The following DCTN5 variants were observed in gnomAD, a reference collection of about 807,000 sequenced individuals.
DCTN5 encodes the protein dynactin 4.
In DCTN5, 14 loss-of-function variants were observed where a neutral mutation model predicts 23.5. The ratio of observed to expected loss-of-function variants is 0.60; its 90% CI spans 0.39 to 0.93. The LOEUF (loss-of-function observed/expected upper bound fraction) is 0.93, where lower values mean the gene tolerates loss of function less well. Ranked by LOEUF, DCTN5 falls within the 40% of genes least tolerant of loss-of-function variation. The pLI is 0.00. For missense variants in DCTN5, 156 were observed against 225.9 expected, an observed-to-expected ratio of 0.69 and a Z score of 1.98; for synonymous variants, 67 against 79.6, an observed-to-expected ratio of 0.84 and a Z score of 0.84.
rs1567236679 is a variant in DCTN5 at position 23,673,279 on chromosome 16, ATTTG to A, written c.*6139_*6142del. The A allele has an allele frequency of 6.6e-6, 1 of 152,042 alleles. No homozygotes were observed. Among genetic ancestry groups the A allele is most frequent in the Non-Finnish European group, 1.5e-5 (1 of 68,000 alleles). The allele number at this position is 152,042 out of a possible 1,614,324, so 9.4% of individuals were successfully genotyped here. A position where few individuals can be genotyped will look rare whatever the true frequency, so the allele number is the denominator to read the frequency against. ...ATTTTTTAAAAAAAAACTTGCTTGT[ATTTG>A]TTTATTTTTTAAATAGAGACAGGGT... On this transcript the variant is annotated 3_prime_UTR_variant, in exon 6 of 6. Coordinates refer to ENST00000300087, the MANE Select transcript of DCTN5 (RefSeq NM_032486.4).
At chr16:23,659,707 C>T (rs1967776526) in intron 3 of DCTN5, among the ~76,000 whole-genome samples, 1 of 152,178 alleles carries the variant, frequency 6.6e-6, no homozygotes, top group African/African-American at 2.4e-5. Context: ...TCCCACATTT[C>T]CAATAATGAT....
intron 2 of DCTN5, among the ~76,000 whole-genome samples, chr16:23,656,102 C>G (rs1597119796): frequency 6.6e-6 from 1 of 152,250 alleles, no homozygotes; most frequent in South Asian, 2.1e-4. Context: ...GTGGCATGCA[C>G]CTGTAGTCCC....
At chr16:23,662,821 A>G (rs16940361) in intron 4 of DCTN5, among the ~76,000 whole-genome samples, 14,882 of 152,290 alleles carry the variant, frequency 0.098, 1,112 homozygotes, top group African/African-American at 0.2. Flanking sequence ...TAGCCTAGTC[A>G]TATAACCCTG....
chr16:23,661,417 G>C (rs1377379821), intron 4 of DCTN5, 136 bp downstream of exon 4: 7 of 603,294 alleles, frequency 1.2e-5, no homozygotes, highest in Non-Finnish European at 2.0e-5. Flanking sequence ...GATTTTTCTT[G>C]ACAGATATGG....
At chr16:23,651,017 G>A in intron 2 of DCTN5, 2 of 1,405,564 alleles carry the variant, frequency 1.4e-6, no homozygotes, top group South Asian at 1.7e-5. Flanking sequence ...TAAAATGCAA[G>A]ATGTTCCACT....
Position 23,665,260 on chromosome 16 carries a change from G to A in DCTN5, c.349-366G>A, listed in dbSNP as rs116261909. 4.4e-3 allele frequency among the ~76,000 whole-genome samples: 677 copies of A among 152,262 alleles called. 4 individuals carry two copies. Among genetic ancestry groups the A allele is most frequent in the African/African-American group, 0.015 (621 of 41,530 alleles). On this transcript the variant is annotated intron_variant, in intron 4 of 5. Coordinates refer to ENST00000300087, the MANE Select transcript of DCTN5 (RefSeq NM_032486.4). Reference sequence around the variant, plus strand: ...ATGAGATGGGGATGGGAGGGTTACCGAGGAAAATACAGGTTCTGTTACCAG... The same window carrying A: ...ATGAGATGGGGATGGGAGGGTTACCAAGGAAAATACAGGTTCTGTTACCAG...
In DCTN5 at chr16:23,674,680, G is replaced by A. The variant is rs1968062744; in HGVS notation, c.*7536G>A. On this transcript the variant is annotated 3_prime_UTR_variant, in exon 6 of 6. Transcript: ENST00000300087. Reference sequence around the variant, plus strand: ...GCTCATTGAATAATCAGGACAAAAGGGGTAGAAGATTATGTAAACACATTT... The same window carrying A: ...GCTCATTGAATAATCAGGACAAAAGAGGTAGAAGATTATGTAAACACATTT... 1.3e-5 allele frequency: 2 copies of A among 152,182 alleles called. No individual in the cohort carries two copies. The highest frequency in any genetic ancestry group is 1.3e-4 in the Admixed American group (2 of 15,282). The allele number at this position is 152,182 out of a possible 1,614,324, so 9.4% of individuals were successfully genotyped here. A position where few individuals can be genotyped will look rare whatever the true frequency, so the allele number is the denominator to read the frequency against.
chr16:23,647,668 T>C (rs1310084989), intron 2 of DCTN5, among the ~76,000 whole-genome samples: 1 of 151,780 alleles, frequency 6.6e-6, no homozygotes, highest in African/African-American at 2.4e-5. Flanking sequence ...CCTCCATGCC[T>C]GGCTAATTTT....
intron 2 of DCTN5, among the ~76,000 whole-genome samples, chr16:23,650,421 G>C (rs1165422813): frequency 6.6e-6 from 1 of 151,376 alleles, no homozygotes. Flanking sequence ...AGGTTCAAGC[G>C]ATTCTCCTGC....
At chr16:23,644,296 T>TTTC in intron 2 of DCTN5, among the ~76,000 whole-genome samples, 1 of 82,410 alleles carries the variant, frequency 1.2e-5, no homozygotes, top group African/African-American at 4.4e-5. Context: ...CCCACCTAAT[T>TTTC]TTTTTTTTTT....
intron 2 of DCTN5, among the ~76,000 whole-genome samples, chr16:23,653,412 TC>T (rs778749093): frequency 6.6e-6 from 1 of 152,136 alleles, no homozygotes; most frequent in Non-Finnish European, 1.5e-5. Context: ...CCTACAACTA[TC>T]TCATCTTCAT....
intron 4 of DCTN5, among the ~76,000 whole-genome samples, chr16:23,662,563 G>A (rs914762198): frequency 1.3e-5 from 2 of 152,166 alleles, no homozygotes; most frequent in South Asian, 2.1e-4. Context: ...GACCATTCCC[G>A]TTAATATGGA....
intron 1 of DCTN5, 108 bp downstream of exon 1, chr16:23,641,698 C>A: frequency 8.4e-7 from 1 of 1,189,674 alleles, no homozygotes; most frequent in Non-Finnish European, 1.2e-6. Flanking sequence ...TCCCTTTGGC[C>A]ATTAGTCCCG....
intron 5 of DCTN5, chr16:23,666,046 G>A (rs1967900240): frequency 3.8e-6 from 1 of 260,250 alleles, no homozygotes; most frequent in African/African-American, 2.2e-5. Flanking sequence ...CTCATGTCGG[G>A]ATGGAAATAA....
chr16:23,667,536 C>T lies in DCTN5; in HGVS notation c.*392C>T, dbSNP rs375434082. ...GGCTATGTAGCTGGTGCGCTGCTCA[C>T]GGCCATTCACTGCCCATGCTGAGCG... On this transcript the variant is annotated 3_prime_UTR_variant, in exon 6 of 6. Transcript: ENST00000300087. 1.6e-5 allele frequency: 3 copies of T among 185,300 alleles called. No homozygotes were observed. The East Asian group carries it at 4.0e-4, about 25-fold the overall frequency. 11.5% of individuals were successfully genotyped at this position (185,300 alleles called of 1,614,324 possible). A position where few individuals can be genotyped will look rare whatever the true frequency, so the allele number is the denominator to read the frequency against.
At chr16:23,645,083 C>CTATATATATATATATATA (rs869302728) in intron 2 of DCTN5, among the ~76,000 whole-genome samples, 1 of 33,098 alleles carries the variant, frequency 3.0e-5, no homozygotes, top group Non-Finnish European at 5.3e-5. Flanking sequence ...CCCAGCCTAA[C>CTATATATATATATATATA]TATATATATA....
chr16:23,650,271 T>G (rs1215295506), intron 2 of DCTN5, among the ~76,000 whole-genome samples: 1 of 152,178 alleles, frequency 6.6e-6, no homozygotes, highest in Admixed American at 6.6e-5. Flanking sequence ...GTCTGTAGAC[T>G]GCTTTGGGAG....
Position 23,667,170 on chromosome 16 carries a change from G to T in DCTN5, c.*26G>T. ...CATCTCTGCCTCATGTCTTGAATCT[G>T]CTTGAGCTCTAAGATGAACCTGGGG... On this transcript the variant is annotated 3_prime_UTR_variant, in exon 6 of 6. Coordinates refer to ENST00000300087, the MANE Select transcript of DCTN5 (RefSeq NM_032486.4). 6.2e-7 allele frequency: 1 copy of T among 1,611,198 alleles called. No individual in the cohort carries two copies. Among genetic ancestry groups the T allele is most frequent in the Non-Finnish European group, 8.5e-7 (1 of 1,179,604 alleles).
At chr16:23,656,377 G>A (rs1193291051) in intron 2 of DCTN5, among the ~76,000 whole-genome samples, 1 of 152,210 alleles carries the variant, frequency 6.6e-6, no homozygotes, top group Non-Finnish European at 1.5e-5. Flanking sequence ...GTTCAAAGCA[G>A]AATCCAAACA....
Sources: gnomAD v4.1 joint callset for allele counts (sites outside exome capture counted in the v4.1 genomes callset) on GRCh38, gnomAD v4.1.1 for gene constraint, MANE v1.5 for transcripts, NCBI Gene and HGNC (gene_info 2026-07-23, HGNC 2026-07-21) for gene names.